The following BICDL1 variants were observed in gnomAD, a reference collection of about 807,000 sequenced individuals.
BICDL1 encodes the protein BICD family-like cargo adapter 1.
Under a neutral mutation model 76.8 loss-of-function variants are expected in BICDL1, and 20 were observed. The observed-to-expected ratio is 0.26, with a 90% CI of 0.18 to 0.38. The LOEUF (loss-of-function observed/expected upper bound fraction) is 0.38, where lower values mean the gene tolerates loss of function less well. Ranked by LOEUF, BICDL1 falls within the 10% of genes least tolerant of loss-of-function variation. BICDL1 has a pLI of 1.00. For synonymous variants in BICDL1, 383 were observed against 337.1 expected (o/e 1.14, Z -1.49); for missense variants, 700 against 798.6 (o/e 0.88, Z 1.49).
intron 3 of BICDL1, among the ~76,000 whole-genome samples, chr12:120,062,486 A>G (rs1254193530): frequency 2.6e-5 from 4 of 152,124 alleles, no homozygotes; most frequent in African/African-American, 9.6e-5. Context: ...TTAGCCAAGT[A>G]TCTGGCTAAA....
At chr12:120,072,814 C>A in intron 6 of BICDL1, 85 bp downstream of exon 6, 1 of 1,100,066 alleles carries the variant, frequency 9.1e-7, no homozygotes, top group Non-Finnish European at 1.3e-6. Context: ...TGAGGTCAGC[C>A]ATGGAACTGG....
chr12:120,026,226 G>A (rs962713354), intron 2 of BICDL1, among the ~76,000 whole-genome samples: 4 of 152,094 alleles, frequency 2.6e-5, no homozygotes, highest in African/African-American at 9.7e-5. Flanking sequence ...AATTTACATG[G>A]AAATGCATAT....
intron 4 of BICDL1, among the ~76,000 whole-genome samples, chr12:120,067,640 C>T (rs969790871): frequency 3.9e-5 from 6 of 152,102 alleles, no homozygotes; most frequent in Non-Finnish European, 8.8e-5. Context: ...CTTTTGTTCC[C>T]TTGCTGTTAT....
chr12:119,994,633 GTA>G (rs1951599125), intron 1 of BICDL1, among the ~76,000 whole-genome samples: 1 of 152,010 alleles, frequency 6.6e-6, no homozygotes, highest in East Asian at 1.9e-4. Flanking sequence ...GGGACTACTG[GTA>G]TACACCACCA....
Sources: gnomAD v4.1 joint callset for allele counts (sites outside exome capture counted in the v4.1 genomes callset) on GRCh38, gnomAD v4.1.1 for gene constraint, MANE v1.5 for transcripts, NCBI Gene and HGNC (gene_info 2026-07-23, HGNC 2026-07-21) for gene names.